Variants in RYR2 observed in about 807,000 individuals in gnomAD.
RYR2 encodes the protein cardiac muscle ryanodine receptor-calcium release channel.
In RYR2, 227 loss-of-function variants were observed where a neutral mutation model predicts 601.1. The observed-to-expected ratio is 0.38, with a 90% CI of 0.34 to 0.42. RYR2 has a LOEUF of 0.42. Among genes scored for constraint, RYR2 ranks in the 10% least tolerant of loss-of-function variants. RYR2 has a pLI of 1.00. For synonymous variants in RYR2, 2,223 were observed against 2,175.1 expected, an observed-to-expected ratio of 1.02 and a Z score of -0.61; for missense variants, 4,646 against 6,156.5, an observed-to-expected ratio of 0.75 and a Z score of 8.21.
intron 24 of RYR2, among the ~76,000 whole-genome samples, chr1:237,517,359 T>C (rs1176665551): frequency 1.3e-5 from 2 of 152,220 alleles, no homozygotes; most frequent in Non-Finnish European, 2.9e-5. Flanking sequence ...GTAATATCAC[T>C]TTCTGAGGTT....
chr1:237,651,386 A>T lies in RYR2; in HGVS notation c.7734-25A>T, dbSNP rs181585630. ...TAGTTTAGAAACATTTCTTGGCATT[A>T]TGAACATTAGCTTTGTTCCAACAGA... On this transcript the variant is annotated intron_variant, in intron 50 of 104. Transcript: ENST00000366574. 2.1e-3 allele frequency: 3,086 copies of T among 1,497,138 alleles called. 8 individuals are homozygous for T. The highest frequency in any genetic ancestry group is 2.0e-3 in the Non-Finnish European group (2,194 of 1,087,624). 92.7% of individuals were successfully genotyped at this position (1,497,138 alleles called of 1,614,324 possible). A position where few individuals can be genotyped will look rare whatever the true frequency, so the allele number is the denominator to read the frequency against.
Position 237,808,898 on chromosome 1 carries a change from C to T in RYR2, c.14299-3C>T, listed in dbSNP as rs2149446318. Reference sequence around the variant, plus strand: ...ACCTGGTCCTTGTCACATTGTTTTCCAGCTCGTATTAACCGTTGGCTTATT... The same window carrying T: ...ACCTGGTCCTTGTCACATTGTTTTCTAGCTCGTATTAACCGTTGGCTTATT... On this transcript the variant is annotated splice_polypyrimidine_tract_variant and splice_region_variant and intron_variant, in intron 99 of 104. Transcript: ENST00000366574. 1.2e-6 allele frequency: 2 copies of T among 1,613,336 alleles called. No homozygotes were observed. The highest frequency in any genetic ancestry group is 1.1e-5 in the South Asian group (1 of 91,044).
At chr1:237,534,680 A>C (rs1668430715) in intron 25 of RYR2, among the ~76,000 whole-genome samples, 1 of 151,908 alleles carries the variant, frequency 6.6e-6, no homozygotes, top group Non-Finnish European at 1.5e-5. Flanking sequence ...CTTATTTACC[A>C]CTCTGCCTTT....
At chr1:237,243,162 T>C (rs568583125) in intron 1 of RYR2, among the ~76,000 whole-genome samples, 1 of 152,186 alleles carries the variant, frequency 6.6e-6, no homozygotes, top group African/African-American at 2.4e-5. Context: ...GGGTTCCCCA[T>C]ACACCAAGCA....
At chr1:237,395,748 G>A (rs1004983673) in intron 10 of RYR2, among the ~76,000 whole-genome samples, 2 of 151,818 alleles carry the variant, frequency 1.3e-5, no homozygotes, top group Admixed American at 1.3e-4. Context: ...GGGTTTCACC[G>A]TGTTAGCCAG....
At chr1:237,308,297 T>C (rs955721259) in intron 2 of RYR2, among the ~76,000 whole-genome samples, 1 of 152,214 alleles carries the variant, frequency 6.6e-6, no homozygotes. Context: ...TCCCCATATA[T>C]ACAAGCATTG....
intron 104 of RYR2, 47 bp from the exon 105 acceptor site, chr1:237,832,505 G>T (rs759521527): frequency 8.0e-7 from 1 of 1,257,730 alleles, no homozygotes; most frequent in Non-Finnish European, 1.2e-6. Context: ...TGTTTTGTTA[G>T]CACACACTTT....
intron 100 of RYR2, among the ~76,000 whole-genome samples, chr1:237,809,605 A>G (rs1661043126): frequency 6.6e-6 from 1 of 152,164 alleles, no homozygotes; most frequent in South Asian, 2.1e-4. Flanking sequence ...GAGATCTTAG[A>G]TCAGGAAGGG....
intron 5 of RYR2, among the ~76,000 whole-genome samples, chr1:237,365,340 T>C (rs574000714): frequency 5.9e-5 from 9 of 152,368 alleles, no homozygotes; most frequent in East Asian, 5.8e-4. Context: ...AAATCCATCA[T>C]GTTTAATAAA....
At position 237,498,994 on chromosome 1, in the gene RYR2, T is replaced by G. The variant is rs1337188961; in HGVS notation, c.2204-1717T>G. Among the ~76,000 whole-genome samples, 3 of 152,098 alleles carry G rather than the reference T, an allele frequency of 2.0e-5. No homozygotes were observed. In the East Asian group the frequency reaches 5.8e-4, roughly 29 times the overall value. On this transcript the variant is annotated intron_variant, in intron 20 of 104. Coordinates refer to ENST00000366574, the MANE Select transcript of RYR2 (RefSeq NM_001035.3). ...TAGATTCGTAATTAATGAAGACAAATCTAAATTAGTTGGAATGTGAGTTAT... is the reference window on the plus strand; with the variant it reads ...TAGATTCGTAATTAATGAAGACAAAGCTAAATTAGTTGGAATGTGAGTTAT...
chr1:237,379,989 T>A (rs756807970), intron 8 of RYR2, among the ~76,000 whole-genome samples: 15 of 152,054 alleles, frequency 9.9e-5, no homozygotes, highest in Non-Finnish European at 1.0e-4. Flanking sequence ...TAACCTCAAA[T>A]AATTAGTGGA....
chr1:237,195,214 A>C (rs1304874515), intron 1 of RYR2, among the ~76,000 whole-genome samples: 1 of 152,238 alleles, frequency 6.6e-6, no homozygotes, highest in Non-Finnish European at 1.5e-5. Context: ...ATAAACTTCA[A>C]TTCTGAAAGT....
Position 237,705,306 on chromosome 1 carries a change from C to T in RYR2, c.9543C>T (p.Tyr3181=), listed in dbSNP as rs1229793690. 3.7e-6 allele frequency: 6 copies of T among 1,604,556 alleles called. No individual in the cohort carries two copies. The highest frequency in any genetic ancestry group is 5.1e-6 in the Non-Finnish European group (6 of 1,174,510). ...CTCATCTGGACAAACATAATATTTA[C>T]TCCATCTACAATACCAAGTCTTCAC... ...LETHLDKHNI[Y]SIYNTKSSRE... is the part of the protein sequence containing the mutation. Residue 3181 remains tyrosine, a synonymous_variant, in exon 67 of 105, where the codon TAC becomes TAT. Transcript: ENST00000366574.
chr1:237,069,407 A>G (rs963579659), intron 1 of RYR2, among the ~76,000 whole-genome samples: 3 of 152,140 alleles, frequency 2.0e-5, no homozygotes, highest in African/African-American at 7.2e-5. Flanking sequence ...AATACATTTC[A>G]AAACAGGGCA....
At chr1:237,799,936 T>TTTACCC in intron 97 of RYR2, 1 of 152,190 alleles carries the variant, frequency 6.6e-6, no homozygotes, top group South Asian at 2.1e-4. Context: ...CTGGTTATAG[T>TTTACCC]TTACCCTTGA....
chr1:237,828,533 G>A, intron 102 of RYR2, 88 bp downstream of exon 102: 1 of 853,594 alleles, frequency 1.2e-6, no homozygotes, highest in Non-Finnish European at 1.8e-6. Flanking sequence ...CATGAATGTG[G>A]GAAGGAGGAG....
rs1427918797 is a variant in RYR2 at position 237,243,649 on chromosome 1, G to A, written c.49-26848G>A. Among the ~76,000 whole-genome samples the A allele has an allele frequency of 2.0e-5, 3 of 152,096 alleles. No individual in the cohort carries two copies. In the East Asian group the frequency reaches 5.8e-4, roughly 29 times the overall value. Reference sequence around the variant, plus strand: ...ATAGCGTGGGACCCTATCTGGGGAGGGTCTTAAAAACCACAGTCAGAAAGG... The same window carrying A: ...ATAGCGTGGGACCCTATCTGGGGAGAGTCTTAAAAACCACAGTCAGAAAGG... On this transcript the variant is annotated intron_variant, in intron 1 of 104. Coordinates refer to ENST00000366574, the MANE Select transcript of RYR2 (RefSeq NM_001035.3).
chr1:237,379,689 G>A (rs147356116), intron 8 of RYR2, among the ~76,000 whole-genome samples: 160 of 152,094 alleles, frequency 1.1e-3, no homozygotes, highest in African/African-American at 3.6e-3. Flanking sequence ...GAGTACTGTG[G>A]CCATCATAGC....
chr1:237,555,667 C>G (rs1032229232), intron 27 of RYR2, among the ~76,000 whole-genome samples: 1 of 152,142 alleles, frequency 6.6e-6, no homozygotes, highest in Non-Finnish European at 1.5e-5. Flanking sequence ...GACAACATTG[C>G]TTTCCTGATA....
Sources: gnomAD v4.1 joint callset for allele counts (sites outside exome capture counted in the v4.1 genomes callset) on GRCh38, gnomAD v4.1.1 for gene constraint, MANE v1.5 for transcripts, NCBI Gene and HGNC (gene_info 2026-07-23, HGNC 2026-07-21) for gene names.